Variants in ABCC12 observed in about 807,000 individuals in gnomAD.
The protein encoded by ABCC12 is ATP binding cassette subfamily C member 12, also known as ATP-binding cassette sub-family C member 12.
In ABCC12, 142 loss-of-function variants were observed where a neutral mutation model predicts 151.1. The observed-to-expected ratio is 0.94, with a 90% CI of 0.82 to 1.08. The LOEUF (loss-of-function observed/expected upper bound fraction) is 1.08. Ranked by LOEUF, ABCC12 falls within the 50% of genes least tolerant of loss-of-function variation. ABCC12 has a pLI of 0.00. For synonymous variants in ABCC12, 645 were observed against 646.4 expected, an observed-to-expected ratio of 1.00 and a Z score of 0.03; for missense variants, 1,638 against 1,691.1, an observed-to-expected ratio of 0.97 and a Z score of 0.55.
intron 15 of ABCC12, among the ~76,000 whole-genome samples, chr16:48,113,461 G>T (rs1244119371): frequency 6.6e-6 from 1 of 152,214 alleles, no homozygotes; most frequent in Non-Finnish European, 1.5e-5. Flanking sequence ...GATTTGAGCA[G>T]CTTTGTTCTG....
chr16:48,097,777 CT>C (rs946391005), intron 23 of ABCC12, among the ~76,000 whole-genome samples: 5 of 152,160 alleles, frequency 3.3e-5, no homozygotes, highest in Admixed American at 6.5e-5. Flanking sequence ...AGTGTGAGGG[CT>C]GCCAGGCAGA....
chr16:48,136,004 C>G (rs767204294), intron 8 of ABCC12, among the ~76,000 whole-genome samples: 10 of 151,982 alleles, frequency 6.6e-5, no homozygotes, highest in Non-Finnish European at 1.3e-4. Context: ...TTCACAGGTG[C>G]TTTCTCATAA....
At chr16:48,134,675 T>C (rs1348696832) in intron 8 of ABCC12, among the ~76,000 whole-genome samples, 1 of 152,186 alleles carries the variant, frequency 6.6e-6, no homozygotes, top group Non-Finnish European at 1.5e-5. Flanking sequence ...TCCAAATCTT[T>C]AGACAAAGCT....
chr16:48,133,705 G>C lies in ABCC12; in HGVS notation c.1110C>G (p.Arg370=), dbSNP rs767195145. The C allele has an allele frequency of 5.6e-6, 9 of 1,614,076 alleles. No homozygotes were observed. The South Asian group carries it at 7.7e-5, about 14-fold the overall frequency. Residue 370 remains arginine, a synonymous_variant, in exon 9 of 31, where the codon CGC becomes CGG. Transcript: ENST00000311303. The stretch of plus-strand genomic sequence containing the variant: ...CTCTTACCACGGGTGCGGTGAGTTT[G>C]CGTCTCAGGAGGATGTGGCAGGATA... ...LTLSCHILLR[R]KLTAPVAFSV...
At chr16:48,131,545 C>T (rs1372819731) in intron 9 of ABCC12, among the ~76,000 whole-genome samples, 3 of 152,192 alleles carry the variant, frequency 2.0e-5, no homozygotes, top group African/African-American at 7.2e-5. Context: ...GCCTTCCTTG[C>T]TGTGCCCTGC....
chr16:48,111,595 T>C lies in ABCC12; in HGVS notation c.2192A>G (p.Glu731Gly). 1 of 1,614,190 alleles carries C rather than the reference T, an allele frequency of 6.2e-7. No homozygotes were observed. The highest frequency in any genetic ancestry group is 8.5e-7 in the Non-Finnish European group (1 of 1,180,030). ...AFKESPAERE[E>G]DAGIIVLAPG... ...ATTCTAACCGATTATACCAGCATCT[T>C]CCTCTCTCTCAGCAGGGCTCTCCTT... Residue 731 changes from glutamate to glycine, a missense_variant, in exon 17 of 31, where the codon GAA becomes GGA. Glu to Gly is a moderately conservative substitution (Grantham distance 98). Transcript: ENST00000311303.
chr16:48,123,196 A>G (rs1210425307), intron 12 of ABCC12, among the ~76,000 whole-genome samples: 1 of 152,236 alleles, frequency 6.6e-6, no homozygotes, highest in Non-Finnish European at 1.5e-5. Flanking sequence ...TGAGCTTCCC[A>G]TCACTGGAGC....
intron 11 of ABCC12, among the ~76,000 whole-genome samples, chr16:48,126,790 A>AATGCATTG (rs1432046258): frequency 6.6e-6 from 1 of 152,178 alleles, no homozygotes. Context: ...CAGAGGCAAC[A>AATGCATTG]ATGCATTGCC....
chr16:48,138,944 G>A (rs1214700046), intron 7 of ABCC12, among the ~76,000 whole-genome samples: 2 of 152,092 alleles, frequency 1.3e-5, no homozygotes, highest in Admixed American at 1.3e-4. Context: ...ACTCCAGCCT[G>A]GGTGACAGAG....
intron 12 of ABCC12, among the ~76,000 whole-genome samples, chr16:48,122,322 G>T (rs1012604491): frequency 6.6e-6 from 1 of 152,212 alleles, no homozygotes; most frequent in Non-Finnish European, 1.5e-5. Context: ...TGCATCTTTG[G>T]TGCCATGCAA....
At chr16:48,111,724 T>A in intron 16 of ABCC12, 52 bp downstream of exon 16, 1 of 1,613,998 alleles carries the variant, frequency 6.2e-7, no homozygotes, top group Non-Finnish European at 8.5e-7. Context: ...AGGCACGAAA[T>A]CCTGAGGGAT....
At chr16:48,155,705 G>A (rs1323558296) in intron 1 of ABCC12, 136 bp downstream of exon 1, 1 of 152,070 alleles carries the variant, frequency 6.6e-6, no homozygotes, top group East Asian at 1.9e-4. Flanking sequence ...ATTCAGTGGT[G>A]TCACCTCCCC....
intron 18 of ABCC12, among the ~76,000 whole-genome samples, chr16:48,108,841 A>G (rs1262880675): frequency 6.6e-6 from 1 of 152,204 alleles, no homozygotes; most frequent in Non-Finnish European, 1.5e-5. Flanking sequence ...CCAAGAAGAG[A>G]CTATGAATAC....
At chr16:48,130,731 C>A (rs766512241) in intron 10 of ABCC12, 57 bp downstream of exon 10, 110 of 1,413,346 alleles carry the variant, frequency 7.8e-5, no homozygotes, top group Middle Eastern at 1.8e-4. Context: ...CATATCTGAG[C>A]ATTTTCCCAC....
At chr16:48,104,991 T>G in intron 21 of ABCC12, 148 bp downstream of exon 21, 3 of 856,732 alleles carry the variant, frequency 3.5e-6, no homozygotes, top group Non-Finnish European at 5.5e-6. Context: ...TAATTAGCTA[T>G]TTGGGAGACT....
At position 48,091,130 on chromosome 16, in the gene ABCC12, T is replaced by C; in HGVS notation, c.3275A>G (p.Glu1092Gly). Residue 1092 changes from glutamate to glycine, a missense_variant, in exon 25 of 31, where the codon GAA (glutamate) becomes GGA (glycine). Glu to Gly is a moderately conservative substitution (Grantham distance 98). Transcript: ENST00000311303. Reference sequence around the variant, plus strand: ...GCACTAATTTCTTACCGAAATGTATTCCCTGAGCAGCTCCACGGAGGTGAA... The same window carrying C: ...GCACTAATTTCTTACCGAAATGTATCCCCTGAGCAGCTCCACGGAGGTGAA... ...AKFTSVELLR[E>G]YISTCVPECT... is the part of the protein sequence containing the mutation. The C allele has an allele frequency of 6.2e-7, 1 of 1,614,222 alleles. No homozygotes were observed. The highest frequency in any genetic ancestry group is 8.5e-7 in the Non-Finnish European group (1 of 1,180,026).
At chr16:48,130,945 G>C (rs1466848853) in intron 9 of ABCC12, 50 bp from the exon 10 acceptor site, 1 of 1,342,774 alleles carries the variant, frequency 7.4e-7, no homozygotes. Flanking sequence ...AGTCACGTTG[G>C]CTCTAAACCG....
intron 11 of ABCC12, among the ~76,000 whole-genome samples, chr16:48,127,565 C>G (rs1964281635): frequency 6.6e-6 from 1 of 152,194 alleles, no homozygotes; most frequent in Admixed American, 6.5e-5. Context: ...GTATGAAACC[C>G]TCCTCTGCCA....
chr16:48,102,703 C>A (rs747628313), intron 22 of ABCC12, among the ~76,000 whole-genome samples: 1 of 152,186 alleles, frequency 6.6e-6, no homozygotes, highest in African/African-American at 2.4e-5. Context: ...TTGCCACTGT[C>A]CACGGACACC....
Sources: gnomAD v4.1 joint callset for allele counts (sites outside exome capture counted in the v4.1 genomes callset) on GRCh38, gnomAD v4.1.1 for gene constraint, MANE v1.5 for transcripts, NCBI Gene and HGNC (gene_info 2026-07-23, HGNC 2026-07-21) for gene names.